Variants in TSHR observed in about 807,000 individuals in gnomAD.
TSHR encodes thyrotropin receptor.
A neutral mutation model predicts 64.1 loss-of-function variants in TSHR; 51 were observed. The ratio of observed to expected loss-of-function variants is 0.80; its 90% confidence interval spans 0.64 to 1.01. The LOEUF is 1.01. Ranked by LOEUF, TSHR falls within the 50% of genes least tolerant of loss-of-function variation. The pLI is 0.00. For synonymous variants in TSHR, 361 were observed against 361.9 expected, an observed-to-expected ratio of 1.00 and a Z score of 0.03; for missense variants, 877 against 942.8, an observed-to-expected ratio of 0.93 and a Z score of 0.91.
At chr14:80,959,054 C>T (rs940576548) in intron 1 of TSHR, among the ~76,000 whole-genome samples, 5 of 152,188 alleles carry the variant, frequency 3.3e-5, no homozygotes, top group African/African-American at 1.2e-4. Flanking sequence ...GTAAACAGCT[C>T]TCTTGCCCTA....
chr14:81,029,843 T>A (rs561263653), intron 1 of TSHR, among the ~76,000 whole-genome samples: 2 of 152,298 alleles, frequency 1.3e-5, no homozygotes, highest in East Asian at 3.9e-4. Flanking sequence ...CTGCCCAACG[T>A]TGTCTGGAAT....
intron 1 of TSHR, among the ~76,000 whole-genome samples, chr14:81,056,003 C>A (rs188806406): frequency 1.1e-4 from 16 of 152,174 alleles, no homozygotes; most frequent in Admixed American, 6.5e-5. Context: ...TGTCCCCACC[C>A]AAATCTTGAG....
chr14:81,136,211 G>A (rs1891449592), intron 8 of TSHR, among the ~76,000 whole-genome samples: 1 of 152,168 alleles, frequency 6.6e-6, no homozygotes. Context: ...CATATGTTAT[G>A]ATTACTCTGG....
intron 1 of TSHR, chr14:80,992,446 C>T (rs1427159928): frequency 1.3e-5 from 2 of 149,436 alleles, no homozygotes; most frequent in African/African-American, 4.9e-5. Context: ...TTTAAGTCTC[C>T]TTCTTCTTTC....
At chr14:81,033,045 G>T (rs1050523736) in intron 1 of TSHR, 1 of 356,940 alleles carries the variant, frequency 2.8e-6, no homozygotes, top group South Asian at 3.1e-5. Context: ...ATTTCTGGAA[G>T]AGTGAAGACA....
chr14:81,080,038 C>T (rs1270048196), intron 3 of TSHR, among the ~76,000 whole-genome samples: 1 of 152,042 alleles, frequency 6.6e-6, no homozygotes, highest in Non-Finnish European at 1.5e-5. Context: ...CTGCAACCTC[C>T]GCCTCCTGGG....
At chr14:81,059,754 A>T (rs1205706201) in intron 1 of TSHR, among the ~76,000 whole-genome samples, 5 of 151,932 alleles carry the variant, frequency 3.3e-5, no homozygotes, top group African/African-American at 9.7e-5. Flanking sequence ...TTTCTTTGGT[A>T]AAAAAAATCT....
At chr14:81,004,030 T>C (rs983953019) in intron 1 of TSHR, among the ~76,000 whole-genome samples, 4 of 152,242 alleles carry the variant, frequency 2.6e-5, no homozygotes, top group African/African-American at 9.6e-5. Context: ...TATTTTACAT[T>C]GTGCCCTGGG....
Position 81,110,388 on chromosome 14 carries a change from G to A in TSHR, c.692+1936G>A, listed in dbSNP as rs61288575. ...GATACACAGAGAGACACCAGGGATG[G>A]GCGCTCACAGAGGAAAGGCCACGTG... On this transcript the variant is annotated intron_variant, in intron 8 of 9. Coordinates refer to ENST00000298171, the MANE Select transcript of TSHR (RefSeq NM_000369.5). Among the ~76,000 whole-genome samples the A allele has an allele frequency of 4.2e-3, 645 of 152,290 alleles. 16 individuals are homozygous for A. The East Asian group carries it at 0.049, about 11-fold the overall frequency.
Position 81,143,821 on chromosome 14 carries a change from C to T in TSHR, c.1763C>T (p.Thr588Met), listed in dbSNP as rs185776618. 1.4e-5 allele frequency: 22 copies of T among 1,614,006 alleles called. No individual in the cohort carries two copies. Among genetic ancestry groups the T allele is most frequent in the Middle Eastern group, 1.6e-4 (1 of 6,062 alleles). ...LALAYIVFVL[T>M]LNIVAFVIVC... is the part of the protein sequence containing the mutation. ...CTGGCATATATTGTTTTTGTTCTGACGCTCAACATAGTTGCCTTCGTCATC... is the reference window on the plus strand; with the variant it reads ...CTGGCATATATTGTTTTTGTTCTGATGCTCAACATAGTTGCCTTCGTCATC... Residue 588 changes from threonine (T) to methionine (M), a missense_variant, in exon 10 of 10, where the codon ACG becomes ATG. Coordinates refer to ENST00000298171, the MANE Select transcript of TSHR (RefSeq NM_000369.5).
At chr14:81,077,857 T>C (rs1887612707) in intron 3 of TSHR, among the ~76,000 whole-genome samples, 1 of 152,212 alleles carries the variant, frequency 6.6e-6, no homozygotes, top group Admixed American at 6.5e-5. Context: ...GCAAATTTTT[T>C]GTGATTACTC....
Position 81,131,021 on chromosome 14 carries a change from A to C in TSHR, c.693-8658A>C, listed in dbSNP as rs866174090. On this transcript the variant is annotated intron_variant, in intron 8 of 9. Transcript: ENST00000298171. ...TCCAAAAAAAAAAAAAAAAAAAAAC[A>C]CTGCTTGACTGCCGTCACCATCTGG... is the stretch of plus-strand genomic sequence containing the variant. Among the ~76,000 whole-genome samples the C allele has an allele frequency of 5.0e-4, 74 of 148,784 alleles. 15 individuals carry two copies. The highest frequency in any genetic ancestry group is 1.7e-3 in the African/African-American group (69 of 40,222).
chr14:80,967,201 T>C, intron 1 of TSHR, among the ~76,000 whole-genome samples: 1 of 149,810 alleles, frequency 6.7e-6, no homozygotes, highest in Non-Finnish European at 1.5e-5. Context: ...TATATATATA[T>C]ATATATGCTT....
chr14:80,995,800 A>G (rs1888980095), intron 1 of TSHR: 1 of 151,662 alleles, frequency 6.6e-6, no homozygotes. Context: ...CTGTGTAACA[A>G]ACCTGCACTT....
chr14:81,077,486 C>G (rs1250181302), intron 3 of TSHR, among the ~76,000 whole-genome samples: 1 of 152,200 alleles, frequency 6.6e-6, no homozygotes, highest in African/African-American at 2.4e-5. Context: ...AATTGCTCAA[C>G]ACATATATAC....
chr14:81,078,754 A>C (rs1887681562), intron 3 of TSHR: 1 of 152,252 alleles, frequency 6.6e-6, no homozygotes, highest in Non-Finnish European at 1.5e-5. Flanking sequence ...GATGGAGAAA[A>C]GCCTAGCTGA....
intron 8 of TSHR, among the ~76,000 whole-genome samples, chr14:81,132,592 C>G (rs1891293079): frequency 6.6e-6 from 1 of 152,144 alleles, no homozygotes. Context: ...CGAGATTATT[C>G]CCACGACCTA....
chr14:81,130,125 A>T (rs1891176957), intron 8 of TSHR, among the ~76,000 whole-genome samples: 1 of 152,162 alleles, frequency 6.6e-6, no homozygotes, highest in Non-Finnish European at 1.5e-5. Flanking sequence ...ATTGTTTTAG[A>T]TGTTATTTAT....
At chr14:81,024,622 C>G (rs1205310742) in intron 1 of TSHR, among the ~76,000 whole-genome samples, 1 of 152,116 alleles carries the variant, frequency 6.6e-6, no homozygotes, top group Non-Finnish European at 1.5e-5. Context: ...AGGTATTTTG[C>G]AAAAAGTATA....
Sources: allele counts gnomAD v4.1 joint callset (sites outside exome capture counted in the v4.1 genomes callset), GRCh38; gene constraint gnomAD v4.1.1; transcripts MANE v1.5; gene names NCBI Gene and HGNC (gene_info 2026-07-23, HGNC 2026-07-21).